SLC7A1: variants seen among roughly 807,000 people sequenced by gnomAD.
The protein encoded by SLC7A1 is high affinity cationic amino acid transporter 1.
SLC7A1 carries 10 observed loss-of-function variants against 53.9 expected under a neutral mutation model. The observed-to-expected ratio is 0.19, with a 90% CI of 0.11 to 0.31. The LOEUF (loss-of-function observed/expected upper bound fraction) is 0.31, where lower values mean the gene tolerates loss of function less well. Ranked by LOEUF, SLC7A1 falls within the 10% of genes least tolerant of loss-of-function variation. The pLI is 1.00. For synonymous variants in SLC7A1, 342 were observed against 338.7 expected (o/e 1.01, Z -0.11); for missense variants, 525 against 827.2 (o/e 0.63, Z 4.48).
At chr13:29,515,445 C>A (rs900593187) in intron 12 of SLC7A1, among the ~76,000 whole-genome samples, 2 of 152,228 alleles carry the variant, frequency 1.3e-5, no homozygotes, top group Non-Finnish European at 2.9e-5. Flanking sequence ...GGAAAAGCAC[C>A]CCTCGAGGGC....
intron 2 of SLC7A1, among the ~76,000 whole-genome samples, chr13:29,548,483 C>T (rs978265122): frequency 3.3e-5 from 5 of 152,142 alleles, no homozygotes; most frequent in African/African-American, 1.2e-4. Flanking sequence ...GCAGGGTGGC[C>T]CCTTTAGGGG....
intron 4 of SLC7A1, 51 bp downstream of exon 4, chr13:29,532,772 CA>C: frequency 6.6e-7 from 1 of 1,508,290 alleles, no homozygotes. Flanking sequence ...AGCCTCTCAC[CA>C]AACCTTTGCC....
intron 2 of SLC7A1, among the ~76,000 whole-genome samples, chr13:29,552,928 A>G (rs1420558984): frequency 6.6e-6 from 1 of 151,980 alleles, no homozygotes; most frequent in African/African-American, 2.4e-5. Flanking sequence ...ACTACATGCT[A>G]TGCCAAACCC....
intron 6 of SLC7A1, among the ~76,000 whole-genome samples, chr13:29,523,733 C>T (rs766864099): frequency 6.6e-6 from 1 of 152,214 alleles, no homozygotes; most frequent in Admixed American, 6.5e-5. Context: ...TGTGGTGATG[C>T]AGCCAAGGAA....
intron 1 of SLC7A1, among the ~76,000 whole-genome samples, chr13:29,560,107 CT>C (rs1870685038): frequency 6.6e-6 from 1 of 152,020 alleles, no homozygotes; most frequent in Non-Finnish European, 1.5e-5. Context: ...TGTCCTTATT[CT>C]ATAAGCTTTT....
intron 1 of SLC7A1, among the ~76,000 whole-genome samples, chr13:29,565,726 C>G (rs1296435576): frequency 2.0e-5 from 3 of 152,192 alleles, no homozygotes; most frequent in Non-Finnish European, 4.4e-5. Flanking sequence ...GAGAAAAGCC[C>G]GGGAAAGACA....
intron 2 of SLC7A1, 36 bp from the exon 3 acceptor site, chr13:29,536,238 C>G: frequency 6.4e-7 from 1 of 1,563,132 alleles, no homozygotes; most frequent in South Asian, 1.2e-5. Flanking sequence ...CCTGATTGCT[C>G]CTCATTTCAC....
intron 2 of SLC7A1, among the ~76,000 whole-genome samples, chr13:29,551,319 A>T (rs955987575): frequency 1.3e-5 from 2 of 152,256 alleles, no homozygotes; most frequent in African/African-American, 4.8e-5. Flanking sequence ...GAGAGAAGAC[A>T]GAATGTGATA....
At chr13:29,567,737 G>A (rs1327290595) in intron 1 of SLC7A1, among the ~76,000 whole-genome samples, 1 of 152,218 alleles carries the variant, frequency 6.6e-6, no homozygotes, top group African/African-American at 2.4e-5. Flanking sequence ...AGTCTCGGGT[G>A]TGGCCAGGAG....
chr13:29,580,165 CAT>C (rs1012650797), intron 1 of SLC7A1, among the ~76,000 whole-genome samples: 2 of 152,220 alleles, frequency 1.3e-5, no homozygotes, highest in Non-Finnish European at 2.9e-5. Context: ...CCCAGGATCA[CAT>C]GAGTCCATGG....
intron 5 of SLC7A1, among the ~76,000 whole-genome samples, chr13:29,528,883 T>C (rs1037154158): frequency 2.0e-5 from 3 of 152,208 alleles, no homozygotes; most frequent in Non-Finnish European, 4.4e-5. Context: ...AGCATGAGGA[T>C]GACCAGTGAA....
chr13:29,594,775 A>G (rs1357255548), intron 1 of SLC7A1, among the ~76,000 whole-genome samples: 3 of 152,178 alleles, frequency 2.0e-5, no homozygotes, highest in Non-Finnish European at 2.9e-5. Flanking sequence ...CGAGAGGTGC[A>G]GGCGGCGCGT....
intron 1 of SLC7A1, among the ~76,000 whole-genome samples, chr13:29,567,939 G>C (rs1331541240): frequency 6.6e-6 from 1 of 152,078 alleles, no homozygotes; most frequent in Non-Finnish European, 1.5e-5. Flanking sequence ...ACTTCTAGGA[G>C]GGATTGACTC....
rs1212573891 is a variant in SLC7A1 at position 29,513,436 on chromosome 13, G to C, written c.*1044C>G. ...TTGATTTCAATTTCATCATGTCACA[G>C]AGAGGCCAGACAGCTTATGTCAGGG... is the stretch of plus-strand genomic sequence containing the variant. On this transcript the variant is annotated 3_prime_UTR_variant, in exon 13 of 13. Coordinates refer to ENST00000380752, the MANE Select transcript of SLC7A1 (RefSeq NM_003045.5). 1 of 152,676 alleles carries C rather than the reference G, an allele frequency of 6.5e-6. No individual in the cohort carries two copies. The highest frequency in any genetic ancestry group is 2.4e-5 in the African/African-American group (1 of 41,448). The allele number at this position is 152,676 out of a possible 1,614,324, so 9.5% of individuals were successfully genotyped here.
chr13:29,569,811 C>T (rs1871121937), intron 1 of SLC7A1, among the ~76,000 whole-genome samples: 1 of 152,162 alleles, frequency 6.6e-6, no homozygotes, highest in African/African-American at 2.4e-5. Context: ...TAAATGAGAA[C>T]ACTGAACCTC....
At chr13:29,527,651 C>T (rs560967696) in intron 5 of SLC7A1, among the ~76,000 whole-genome samples, 1 of 152,278 alleles carries the variant, frequency 6.6e-6, no homozygotes, top group East Asian at 1.9e-4. Context: ...CGCTCCCTGC[C>T]CTGCAGCCTT....
intron 5 of SLC7A1, among the ~76,000 whole-genome samples, chr13:29,529,321 G>A (rs1484197860): frequency 1.3e-5 from 2 of 152,194 alleles, no homozygotes; most frequent in African/African-American, 4.8e-5. Flanking sequence ...TGGGCGACAT[G>A]GCTGGCACCT....
rs937578465 is a variant in SLC7A1 at position 29,519,341 on chromosome 13, C to T, written c.1292+106G>A. On this transcript the variant is annotated intron_variant, in intron 9 of 12. Transcript: ENST00000380752. Reference sequence around the variant, plus strand: ...CCTTGGCAGCTCCCAATGGAGCTATCACCAACCTAAAAGTTTCATTCATCA... The same window carrying T: ...CCTTGGCAGCTCCCAATGGAGCTATTACCAACCTAAAAGTTTCATTCATCA... 8 of 670,296 alleles carry T rather than the reference C, an allele frequency of 1.2e-5. No homozygotes were observed. In the African/African-American group the frequency reaches 1.4e-4, roughly 12 times the overall value. The allele number at this position is 670,296 out of a possible 1,614,324, so 41.5% of individuals were successfully genotyped here. A position where few individuals can be genotyped will look rare whatever the true frequency, so the allele number is the denominator to read the frequency against.
chr13:29,555,535 C>T (rs572109887), intron 1 of SLC7A1, among the ~76,000 whole-genome samples: 14 of 151,436 alleles, frequency 9.2e-5, no homozygotes, highest in African/African-American at 2.9e-4. Flanking sequence ...ATGAGAGCAC[C>T]GAGAACCATG....
Sources: allele counts gnomAD v4.1 joint callset (sites outside exome capture counted in the v4.1 genomes callset), GRCh38; gene constraint gnomAD v4.1.1; transcripts MANE v1.5; gene names NCBI Gene and HGNC (gene_info 2026-07-23, HGNC 2026-07-21).